CEP57L1: variants seen among roughly 807,000 people sequenced by gnomAD.
CEP57L1 encodes the protein centrosomal protein CEP57L1.
In CEP57L1, 37 loss-of-function variants were observed where a neutral mutation model predicts 61.0. The ratio of observed to expected loss-of-function variants is 0.61; its 90% CI spans 0.47 to 0.80. The LOEUF (loss-of-function observed/expected upper bound fraction) is 0.80. Ranked by LOEUF, CEP57L1 falls within the 30% of genes least tolerant of loss-of-function variation. The pLI is 0.00. For missense variants in CEP57L1, 422 were observed against 524.7 expected (o/e 0.80, Z 1.91); for synonymous variants, 137 against 162.3 (o/e 0.84, Z 1.19).
intron 1 of CEP57L1, among the ~76,000 whole-genome samples, chr6:109,129,833 T>C (rs570935295): frequency 6.6e-6 from 1 of 151,996 alleles, no homozygotes; most frequent in African/African-American, 2.4e-5. Context: ...AATTTAAAAT[T>C]TAAAATTTAA....
rs1774334386 is a variant in CEP57L1, at chr6:109,170,142, A to G, written c.*7172A>G. 6.6e-6 allele frequency among the ~76,000 whole-genome samples: 1 copy of G among 152,178 alleles called. No individual in the cohort carries two copies. The highest frequency in any genetic ancestry group is 6.5e-5 in the Admixed American group (1 of 15,274). On this transcript the variant is annotated 3_prime_UTR_variant, in exon 11 of 11. Transcript: ENST00000517392. ...GAAGTGTTATAGGGTAATGAGCAAT[A>G]ATAAGGCCACCAAATATAATCCCAT...
chr6:109,147,120 A>G (rs901918092), intron 3 of CEP57L1, among the ~76,000 whole-genome samples, 183 bp downstream of exon 3: 68 of 152,266 alleles, frequency 4.5e-4, no homozygotes, highest in Middle Eastern at 3.4e-3. Flanking sequence ...ACTTACCTCT[A>G]TCATATCTTA....
At chr6:109,097,184 G>A (rs1396602342) in intron 1 of CEP57L1, among the ~76,000 whole-genome samples, 1 of 152,066 alleles carries the variant, frequency 6.6e-6, no homozygotes, top group Admixed American at 6.6e-5. Context: ...AAATTATTAT[G>A]AAGTTCTGCC....
chr6:109,155,711 TA>T, intron 6 of CEP57L1, 79 bp from the exon 7 acceptor site: 1 of 721,256 alleles, frequency 1.4e-6, no homozygotes, highest in Non-Finnish European at 2.3e-6. Flanking sequence ...TTTATATTTA[TA>T]AACTTAGACC....
chr6:109,157,761 T>C (rs187860070), intron 7 of CEP57L1: 1 of 152,330 alleles, frequency 6.6e-6, no homozygotes, highest in Admixed American at 6.5e-5. Flanking sequence ...CAGGAACTAT[T>C]GAAGGCTTCT....
chr6:109,153,553 C>T (rs1474267495), intron 4 of CEP57L1, among the ~76,000 whole-genome samples: 6 of 149,932 alleles, frequency 4.0e-5, no homozygotes, highest in East Asian at 2.0e-4. Context: ...GCCTTTTTTG[C>T]GTGTTATATT....
chr6:109,174,109 A>AAAAAAAAAAAAAAAAC lies in CEP57L1; in HGVS notation c.*11144_*11145insAAAAAAAAAACAAAAA, dbSNP rs759389630. On this transcript the variant is annotated 3_prime_UTR_variant, in exon 11 of 11. Coordinates refer to ENST00000517392, the MANE Select transcript of CEP57L1 (RefSeq NM_001271852.3). ...AGTGAGTCTTGGTCTCAAAAAAAAA[A>AAAAAAAAAAAAAAAAC]AAAAACCTTGTGTTGGAAACCATCT... is the stretch of plus-strand genomic sequence containing the variant. Among the ~76,000 whole-genome samples the AAAAAAAAAAAAAAAAC allele has an allele frequency of 3.4e-5, 5 of 148,276 alleles. No homozygotes were observed. Among genetic ancestry groups the AAAAAAAAAAAAAAAAC allele is most frequent in the Non-Finnish European group, 6.0e-5 (4 of 67,080 alleles).
At chr6:109,136,897 A>T (rs904950759) in intron 1 of CEP57L1, among the ~76,000 whole-genome samples, 3 of 152,078 alleles carry the variant, frequency 2.0e-5, no homozygotes, top group African/African-American at 7.2e-5. Context: ...CTGGGATTAC[A>T]GATGTGCGCC....
At chr6:109,102,934 A>G (rs957950974) in intron 1 of CEP57L1, among the ~76,000 whole-genome samples, 1 of 152,204 alleles carries the variant, frequency 6.6e-6, no homozygotes, top group African/African-American at 2.4e-5. Flanking sequence ...ATCTGTTGTC[A>G]GCATGTGCAG....
Position 109,120,912 on chromosome 6 carries a change from GCACACACACACACACACA to G in CEP57L1, c.-3-24278_-3-24261del, listed in dbSNP as rs71747421. On this transcript the variant is annotated intron_variant, in intron 1 of 10. Transcript: ENST00000517392. ...AGAAAATTCCTATACTTAGACACAC[GCACACACACACACACACA>G]CACACACACACACACACACACACAC... Among the ~76,000 whole-genome samples the G allele has an allele frequency of 6.0e-3, 797 of 133,556 alleles. 11 individuals carry two copies. The highest frequency in any genetic ancestry group is 0.022 in the African/African-American group (766 of 35,008). 87.6% of individuals were successfully genotyped at this position (133,556 alleles called of 152,430 possible). A position where few individuals can be genotyped will look rare whatever the true frequency, so the allele number is the denominator to read the frequency against.
chr6:109,115,823 G>T (rs1772203497), intron 1 of CEP57L1, among the ~76,000 whole-genome samples: 1 of 152,096 alleles, frequency 6.6e-6, no homozygotes, highest in South Asian at 2.1e-4. Context: ...AATAGTAATA[G>T]CATTCTTTAA....
intron 1 of CEP57L1, among the ~76,000 whole-genome samples, chr6:109,136,403 C>T (rs368309235): frequency 2.6e-5 from 4 of 152,094 alleles, no homozygotes; most frequent in South Asian, 2.1e-4. Flanking sequence ...CATCACACAC[C>T]GGGGCCTGTT....
intron 1 of CEP57L1, among the ~76,000 whole-genome samples, chr6:109,133,981 G>A (rs991130884): frequency 1.1e-4 from 17 of 152,090 alleles, no homozygotes; most frequent in African/African-American, 3.9e-4. Flanking sequence ...TCTACCAGAG[G>A]TACAAGGAGG....
chr6:109,170,851 A>T lies in CEP57L1; in HGVS notation c.*7881A>T, dbSNP rs1246758412. Among the ~76,000 whole-genome samples the T allele has an allele frequency of 6.7e-6, 1 of 149,702 alleles. No homozygotes were observed. The highest frequency in any genetic ancestry group is 2.5e-5 in the African/African-American group (1 of 40,232). ...ACACATAAAAAGCATTATTGCCTTC[A>T]TTTTCCCTGAAATGAACCAAGCTAC... On this transcript the variant is annotated 3_prime_UTR_variant, in exon 11 of 11. Coordinates refer to ENST00000517392, the MANE Select transcript of CEP57L1 (RefSeq NM_001271852.3).
At chr6:109,155,140 C>A in intron 5 of CEP57L1, 90 bp from the exon 6 acceptor site, 1 of 601,996 alleles carries the variant, frequency 1.7e-6, no homozygotes, top group Admixed American at 3.3e-5. Context: ...TCTTAAGAAT[C>A]AAGACCCCCT....
At position 109,163,113 on chromosome 6, in the gene CEP57L1, T is replaced by G; in HGVS notation, c.*143T>G. ...AACATGAAGTTGCAGTATTTAAAAA[T>G]TAATGCCTAATGACCTGGTGGGTTC... On this transcript the variant is annotated 3_prime_UTR_variant, in exon 11 of 11. Coordinates refer to ENST00000517392, the MANE Select transcript of CEP57L1 (RefSeq NM_001271852.3). 1 of 614,228 alleles carries G rather than the reference T, an allele frequency of 1.6e-6. No homozygotes were observed. The highest frequency in any genetic ancestry group is 2.8e-6 in the Non-Finnish European group (1 of 352,166). 38.0% of individuals were successfully genotyped at this position (614,228 alleles called of 1,614,324 possible).
rs1266915442 is a variant in CEP57L1, at chr6:109,171,829, T to C, written c.*8859T>C. ...AGAGGTCATCATGTATCCTTAGATATCAGCATTGCCAAGACCAGGGATATA... is the reference window on the plus strand; with the variant it reads ...AGAGGTCATCATGTATCCTTAGATACCAGCATTGCCAAGACCAGGGATATA... On this transcript the variant is annotated 3_prime_UTR_variant, in exon 11 of 11. Coordinates refer to ENST00000517392, the MANE Select transcript of CEP57L1 (RefSeq NM_001271852.3). 6.6e-6 allele frequency among the ~76,000 whole-genome samples: 1 copy of C among 152,206 alleles called. No individual in the cohort carries two copies. Among genetic ancestry groups the C allele is most frequent in the Non-Finnish European group, 1.5e-5 (1 of 68,044 alleles).
At chr6:109,117,486 C>T (rs1384997707) in intron 1 of CEP57L1, among the ~76,000 whole-genome samples, 1 of 152,150 alleles carries the variant, frequency 6.6e-6, no homozygotes, top group Non-Finnish European at 1.5e-5. Context: ...ACTACTATGA[C>T]GAAAGCAACA....
In CEP57L1 at chr6:109,149,555, T is replaced by C. The variant is rs1402769486; in HGVS notation, c.341-563T>C. 7.9e-3 allele frequency among the ~76,000 whole-genome samples: 1,199 copies of C among 152,224 alleles called. 19 individuals are homozygous for C. Among genetic ancestry groups the C allele is most frequent in the African/African-American group, 0.028 (1,151 of 41,552 alleles). On this transcript the variant is annotated intron_variant, in intron 3 of 10. Transcript: ENST00000517392. ...TATAGTTTGAAGTCAGGTAGCGTGA[T>C]GCCTCCAGCTTTGTTCTTTTGGCTT...
Sources: gnomAD v4.1 joint callset for allele counts (sites outside exome capture counted in the v4.1 genomes callset) on GRCh38, gnomAD v4.1.1 for gene constraint, MANE v1.5 for transcripts, NCBI Gene and HGNC (gene_info 2026-07-23, HGNC 2026-07-21) for gene names.